Variants in DXO observed in about 807,000 individuals in gnomAD.
DXO encodes the protein decapping and exoribonuclease protein.
Under a neutral mutation model 39.8 loss-of-function variants are expected in DXO, and 42 were observed. The observed-to-expected ratio is 1.06, with a 90% CI of 0.83 to 1.37. The LOEUF (loss-of-function observed/expected upper bound fraction) is 1.37, where lower values mean the gene tolerates loss of function less well. DXO is among the 40% of genes most tolerant of loss of function. DXO has a pLI of 0.00. For synonymous variants in DXO, 193 were observed against 200.4 expected (o/e 0.96, Z 0.31); for missense variants, 495 against 513.0 (o/e 0.96, Z 0.34).
Position 31,970,653 on chromosome 6 carries a change from C to G in DXO, c.765G>C (p.Lys255Asn). ...CAGGGCTGTGCATCTCCTTGGAGGT[C>G]TTGAGCTCCACATAGCAGGTTGGGG... ...TQPPTCYVEL[K>N]TSKEMHSPGQ... Residue 255 changes from lysine (K) to asparagine (N), a missense_variant, in exon 4 of 7, where the codon AAG becomes AAC. By Grantham distance (94) the Lys-to-Asn change is moderately conservative (BLOSUM62 0). Coordinates refer to ENST00000337523, the MANE Select transcript of DXO (RefSeq NM_005510.4). The surrounding 1 kb of genome is among the most constrained non-coding windows in gnomAD (Gnocchi z 4.0). The G allele has an allele frequency of 6.2e-7, 1 of 1,613,128 alleles. No homozygotes were observed. Among genetic ancestry groups the G allele is most frequent in the Non-Finnish European group, 8.5e-7 (1 of 1,180,006 alleles).
Position 31,971,046 on chromosome 6 carries a change from G to A in DXO, c.458C>T (p.Ala153Val). 2 of 1,612,936 alleles carry A rather than the reference G, an allele frequency of 1.2e-6. No homozygotes were observed. Among genetic ancestry groups the A allele is most frequent in the South Asian group, 1.1e-5 (1 of 91,082 alleles). The change falls in exon 3 of 7, where the codon GCC becomes GTC. Residue 153 changes from alanine to valine, a missense_variant. Transcript: ENST00000337523. The surrounding 1 kb of genome is among the most constrained non-coding windows in gnomAD (Gnocchi z 4.5). Reference sequence around the variant, plus strand: ...GTATAGTGTTCCCTGGAACCGGGAGGCTGCCAGCTGCCAGCCCTCCTGCCG... The same window carrying A: ...GTATAGTGTTCCCTGGAACCGGGAGACTGCCAGCTGCCAGCCCTCCTGCCG... Reference protein sequence around the residue: ...YERQEGWQLAASRFQGTLYLS... With the variant: ...YERQEGWQLAVSRFQGTLYLS...
Position 31,971,539 on chromosome 6 carries a change from G to A in DXO, c.137C>T (p.Pro46Leu), listed in dbSNP as rs1773327391. ...YSGPFPFYRR[P>L]SELGCFSLDA... is the part of the protein sequence containing the mutation. ...CAGGGAGAAGCAGCCCAGTTCCGAA[G>A]GGCGCCGGTAGAAAGGAAAGGGCCC... Residue 46 changes from proline (P) to leucine (L), a missense_variant, in exon 2 of 7, where the codon CCT becomes CTT. Physicochemically the swap from Pro to Leu is moderately conservative, Grantham distance 98. Transcript: ENST00000337523. The surrounding 1 kb of genome is among the most constrained non-coding windows in gnomAD (Gnocchi z 4.5). 1.2e-6 allele frequency: 2 copies of A among 1,614,064 alleles called. No individual in the cohort carries two copies. The highest frequency in any genetic ancestry group is 1.3e-5 in the African/African-American group (1 of 74,922).
At position 31,970,140 on chromosome 6, in the gene DXO, C is replaced by T. The variant is rs1773121329; in HGVS notation, c.1012G>A (p.Ala338Thr). 3 of 1,613,610 alleles carry T rather than the reference C, an allele frequency of 1.9e-6. No individual in the cohort carries two copies. Among genetic ancestry groups the T allele is most frequent in the African/African-American group, 2.7e-5 (2 of 74,804 alleles). The change falls in exon 6 of 7, where the codon GCC (alanine) becomes ACC (threonine). Residue 338 changes from alanine to threonine, a missense_variant. Ala to Thr is a moderately conservative substitution (Grantham distance 58). Transcript: ENST00000337523. This position sits in a 1 kb window ranked among gnomAD's most constrained non-coding sequence, Gnocchi z 4.0. ...MNFCAAFLSF[A>T]QSTVVQDDPR... ...TCATCCTGGACAACCGTGCTCTGGG[C>T]AAAGCTAAGGAAGGCGGCACAGAAG...
In DXO at chr6:31,971,220, T is replaced by C; in HGVS notation, c.357-73A>G. On this transcript the variant is annotated intron_variant, in intron 2 of 6. Transcript: ENST00000337523. This position sits in a 1 kb window ranked among gnomAD's most constrained non-coding sequence, Gnocchi z 4.5. The stretch of plus-strand genomic sequence containing the variant: ...AGATGCTCCCCTCGAAGAATAGTCT[T>C]GTTTCTTCTAAGGACTGATTCTCAC... 6.4e-7 allele frequency: 1 copy of C among 1,569,972 alleles called. No individual in the cohort carries two copies. Among genetic ancestry groups the C allele is most frequent in the Non-Finnish European group, 8.7e-7 (1 of 1,155,424 alleles).
rs1048222508 is a variant in DXO at position 31,971,607 on chromosome 6, A to G, written c.69T>C (p.Pro23=). The change falls in exon 2 of 7, where the codon CCT becomes CCC. Residue 23 remains proline, a synonymous_variant. Coordinates refer to ENST00000337523, the MANE Select transcript of DXO (RefSeq NM_005510.4). The surrounding 1 kb of genome is among the most constrained non-coding windows in gnomAD (Gnocchi z 4.5). ...TEVAEPRNKL[P]RPAPSLPTDP... is the part of the protein sequence containing the mutation. Reference sequence around the variant, plus strand: ...CTGTGGGCAGAGAAGGTGCTGGACGAGGTAGTTTGTTCCGAGGCTCAGCTA... The same window carrying G: ...CTGTGGGCAGAGAAGGTGCTGGACGGGGTAGTTTGTTCCGAGGCTCAGCTA... 1.2e-6 allele frequency: 2 copies of G among 1,613,370 alleles called. No individual in the cohort carries two copies. The highest frequency in any genetic ancestry group is 1.7e-6 in the Non-Finnish European group (2 of 1,180,012).
Position 31,970,370 on chromosome 6 carries a change from A to G in DXO, c.921T>C (p.Pro307=). 1 of 1,614,098 alleles carries G rather than the reference A, an allele frequency of 6.2e-7. No individual in the cohort carries two copies. Among genetic ancestry groups the G allele is most frequent in the Non-Finnish European group, 8.5e-7 (1 of 1,180,004 alleles). Residue 307 remains proline (P), a synonymous_variant, in exon 5 of 7, where the codon CCT becomes CCC. Transcript: ENST00000337523. The surrounding 1 kb of genome is among the most constrained non-coding windows in gnomAD (Gnocchi z 4.0). ...TGACATATTCAAACATCTTCATGGTAGGAAAGGTCTTGAGGGAAGAGACAA... is the reference window on the plus strand; with the variant it reads ...TGACATATTCAAACATCTTCATGGTGGGAAAGGTCTTGAGGGAAGAGACAA... ...DGFVSSLKTF[P]TMKMFEYVRN...
rs1444245463 is a variant in DXO at position 31,970,287 on chromosome 6, A to G, written c.948+56T>C. The G allele has an allele frequency of 1.9e-6, 3 of 1,613,696 alleles. No homozygotes were observed. The highest frequency in any genetic ancestry group is 1.6e-4 in the Middle Eastern group (1 of 6,084). On this transcript the variant is annotated intron_variant, in intron 5 of 6. Coordinates refer to ENST00000337523, the MANE Select transcript of DXO (RefSeq NM_005510.4). The surrounding 1 kb of genome is among the most constrained non-coding windows in gnomAD (Gnocchi z 4.0). ...GGCAGGCTGTTGCCCTGGATGCTAG[A>G]CCTGTGGTCTTGGTGTTTGGGGATA...
In DXO at chr6:31,970,836, A is replaced by G. The variant is rs762895946; in HGVS notation, c.593-11T>C. 23 of 1,612,398 alleles carry G rather than the reference A, an allele frequency of 1.4e-5. No homozygotes were observed. The highest frequency in any genetic ancestry group is 1.9e-5 in the Non-Finnish European group (22 of 1,179,690). On this transcript the variant is annotated splice_polypyrimidine_tract_variant and intron_variant, in intron 3 of 6. Coordinates refer to ENST00000337523, the MANE Select transcript of DXO (RefSeq NM_005510.4). This position sits in a 1 kb window ranked among gnomAD's most constrained non-coding sequence, Gnocchi z 4.0. ...AGCTTCCAGGTTTGTCTGCACAAGG[A>G]GAGAAGCAGCAGCAGGCGTGGGGGG...
At position 31,969,964 on chromosome 6, in the gene DXO, A is replaced by G; in HGVS notation, c.1104T>C (p.Asp368=). The change falls in exon 7 of 7, where the codon GAT becomes GAC. Residue 368 remains aspartate (D), a synonymous_variant. Coordinates refer to ENST00000337523, the MANE Select transcript of DXO (RefSeq NM_005510.4). This position sits in a 1 kb window ranked among gnomAD's most constrained non-coding sequence, Gnocchi z 6.1. ...ATATGGGCAGGAAGGCGTAAGGTGC[A>G]TCTTGGTGTACAGACACGGTGACTG... The part of the protein sequence containing the change: ...GGPVTVSVHQ[D]APYAFLPIWY... The G allele has an allele frequency of 1.2e-6, 2 of 1,614,018 alleles. No individual in the cohort carries two copies. Among genetic ancestry groups the G allele is most frequent in the Non-Finnish European group, 1.7e-6 (2 of 1,180,010 alleles).
chr6:31,969,995 C>G lies in DXO; in HGVS notation c.1073G>C (p.Gly358Ala). 2 of 1,613,886 alleles carry G rather than the reference C, an allele frequency of 1.2e-6. No homozygotes were observed. The highest frequency in any genetic ancestry group is 1.7e-6 in the Non-Finnish European group (2 of 1,179,988). Reference sequence around the variant, plus strand: ...GTGTACAGACACGGTGACTGGGCCGCCAGGCTCCCAAGAGAAGAGATGAAC... The same window carrying G: ...GTGTACAGACACGGTGACTGGGCCGGCAGGCTCCCAAGAGAAGAGATGAAC... ...RLVHLFSWEP[G>A]GPVTVSVHQD... The change falls in exon 7 of 7, where the codon GGC becomes GCC. Residue 358 changes from glycine (G) to alanine (A), a missense_variant. Gly to Ala is a moderately conservative substitution (Grantham distance 60, BLOSUM62 0). Coordinates refer to ENST00000337523, the MANE Select transcript of DXO (RefSeq NM_005510.4). The surrounding 1 kb of genome is among the most constrained non-coding windows in gnomAD (Gnocchi z 6.1).
Position 31,971,483 on chromosome 6 carries a change from G to A in DXO, c.193C>T (p.Arg65Ter), listed in dbSNP as rs1773319794. The A allele has an allele frequency of 1.2e-6, 2 of 1,614,046 alleles. No homozygotes were observed. Among genetic ancestry groups the A allele is most frequent in the Non-Finnish European group, 8.5e-7 (1 of 1,180,010 alleles). ...GGTGGGCTATAGTAGCGCAGGGCTC[G>A]GGCATCTCCATGGTACTGGCGTTGA... is the stretch of plus-strand genomic sequence containing the variant. ...DAQRQYHGDARALRYYSPPPT... is the reference protein window; with the variant it reads ...DAQRQYHGDA The change falls in exon 2 of 7, where the codon CGA becomes TGA. Residue 65 changes from arginine to a stop codon, truncating the protein, a stop_gained. Coordinates refer to ENST00000337523, the MANE Select transcript of DXO (RefSeq NM_005510.4). LOFTEE classifies it high-confidence loss of function. This position sits in a 1 kb window ranked among gnomAD's most constrained non-coding sequence, Gnocchi z 4.5.
rs1773297570 is a variant in DXO at position 31,971,322 on chromosome 6, C to G, written c.354G>C (p.Glu118Asp). The change falls in exon 2 of 7, where the codon GAG (glutamate) becomes GAC (aspartate). Residue 118 changes from glutamate to aspartate, a missense_variant and splice_region_variant. Transcript: ENST00000337523. The surrounding 1 kb of genome is among the most constrained non-coding windows in gnomAD (Gnocchi z 4.5). The part of the protein sequence containing the change: ...CWLLEHRGRL[E>D]GGPGWLAEAI... ...ACTGCCTACCACGCTTTGCTCACCC[C>G]TCCAACCGGCCTCGGTGTTCCAGGA... 1.3e-6 allele frequency: 2 copies of G among 1,540,712 alleles called. No homozygotes were observed. Among genetic ancestry groups the G allele is most frequent in the East Asian group, 4.5e-5 (2 of 44,258 alleles).
rs762236357 is a variant in DXO at position 31,971,284 on chromosome 6, G to A, written c.356+36C>T. ...CTCCTAATTTTAGAGGGTAGGTACG[G>A]GTCTCCAGATATACTGCCTACCACG... On this transcript the variant is annotated intron_variant, in intron 2 of 6. Transcript: ENST00000337523. This position sits in a 1 kb window ranked among gnomAD's most constrained non-coding sequence, Gnocchi z 4.5. 1.3e-6 allele frequency: 2 copies of A among 1,537,664 alleles called. No individual in the cohort carries two copies. The highest frequency in any genetic ancestry group is 8.8e-7 in the Non-Finnish European group (1 of 1,141,504).
At position 31,970,719 on chromosome 6, in the gene DXO, C is replaced by T; in HGVS notation, c.699G>A (p.Gly233=). ...CTTGGGGGTCTGTGCAGTCTACCTC[C>T]CCTGAGAAGAGCAGAGGGTGGCTTC... is the stretch of plus-strand genomic sequence containing the variant. ...RLGSHPLLFS[G]EVDCTDPQAP... The change falls in exon 4 of 7, where the codon GGG becomes GGA. Residue 233 remains glycine (G), a synonymous_variant. Coordinates refer to ENST00000337523, the MANE Select transcript of DXO (RefSeq NM_005510.4). This position sits in a 1 kb window ranked among gnomAD's most constrained non-coding sequence, Gnocchi z 4.0. 1.2e-6 allele frequency: 2 copies of T among 1,612,920 alleles called. No homozygotes were observed. The highest frequency in any genetic ancestry group is 1.7e-6 in the Non-Finnish European group (2 of 1,180,014).
rs1247607341 is a variant in DXO at position 31,970,455 on chromosome 6, G to A, written c.836C>T (p.Ala279Val). 6.2e-7 allele frequency: 1 copy of A among 1,614,076 alleles called. No individual in the cohort carries two copies. Among genetic ancestry groups the A allele is most frequent in the South Asian group, 1.1e-5 (1 of 91,088 alleles). Residue 279 changes from alanine to valine, a missense_variant, in exon 5 of 7, where the codon GCT (alanine) becomes GTT (valine). Transcript: ENST00000337523. The surrounding 1 kb of genome is among the most constrained non-coding windows in gnomAD (Gnocchi z 4.0). ...FYRHKLLKWW[A>V]QSFLPGVPNV... The stretch of plus-strand genomic sequence containing the variant: ...CGGGACCCCTGGGAGGAATGACTGA[G>A]CCCACCATTTCAGGAGCTTGTGTCT...
Position 31,970,960 on chromosome 6 carries a change from G to A in DXO, c.544C>T (p.Arg182Trp), listed in dbSNP as rs147759642. The A allele has an allele frequency of 7.4e-6, 12 of 1,612,998 alleles. No homozygotes were observed. Among genetic ancestry groups the A allele is most frequent in the Non-Finnish European group, 9.3e-6 (11 of 1,179,998 alleles). The change falls in exon 3 of 7, where the codon CGG (arginine) becomes TGG (tryptophan). Residue 182 changes from arginine (R) to tryptophan (W), a missense_variant. Physicochemically the swap from Arg to Trp is moderately radical, Grantham distance 101. Coordinates refer to ENST00000337523, the MANE Select transcript of DXO (RefSeq NM_005510.4). The surrounding 1 kb of genome is among the most constrained non-coding windows in gnomAD (Gnocchi z 4.0). ...AQRLARPPLL[R>W]ELMYMGYKFE... is the part of the protein sequence containing the mutation. ...TTGTATCCCATGTACATAAGCTCCC[G>A]GAGGAGCGGTGGCCGAGCAAGCCTC...
Position 31,971,628 on chromosome 6 carries a change from A to G in DXO, c.48T>C (p.Ala16=), listed in dbSNP as rs777122516. 1.2e-6 allele frequency: 2 copies of G among 1,612,034 alleles called. No individual in the cohort carries two copies. Among genetic ancestry groups the G allele is most frequent in the South Asian group, 1.1e-5 (1 of 91,078 alleles). Residue 16 remains alanine (A), a synonymous_variant, in exon 2 of 7, where the codon GCT becomes GCC. Transcript: ENST00000337523. This position sits in a 1 kb window ranked among gnomAD's most constrained non-coding sequence, Gnocchi z 4.5. ...TKRGAEKTEV[A]EPRNKLPRPA... ...GACGAGGTAGTTTGTTCCGAGGCTC[A>G]GCTACCTCTGTCTTCTCAGCTCCTC...
rs769615013 is a variant in DXO, at chr6:31,970,077, C to G, written c.1043+32G>C. The G allele has an allele frequency of 1.9e-6, 3 of 1,613,908 alleles. No homozygotes were observed. The highest frequency in any genetic ancestry group is 2.5e-6 in the Non-Finnish European group (3 of 1,179,986). The stretch of plus-strand genomic sequence containing the variant: ...AGGGCCAGAGGCTGGATCCTGGGAT[C>G]CAGAGGGGAGGGACAGAGCTGAATG... On this transcript the variant is annotated intron_variant, in intron 6 of 6. Coordinates refer to ENST00000337523, the MANE Select transcript of DXO (RefSeq NM_005510.4). This position sits in a 1 kb window ranked among gnomAD's most constrained non-coding sequence, Gnocchi z 4.0.
rs778015610 is a variant in DXO at position 31,970,983 on chromosome 6, C to A, written c.521G>T (p.Arg174Met). Residue 174 changes from arginine (R) to methionine (M), a missense_variant, in exon 3 of 7, where the codon AGG (arginine) becomes ATG (methionine). Arg to Met is a moderately conservative substitution (Grantham distance 91). Transcript: ENST00000337523. This position sits in a 1 kb window ranked among gnomAD's most constrained non-coding sequence, Gnocchi z 4.0. ...CCGGAGGAGCGGTGGCCGAGCAAGCCTCTGGGCCCGAGCGTTCGGTGTCTC... is the reference window on the plus strand; with the variant it reads ...CCGGAGGAGCGGTGGCCGAGCAAGCATCTGGGCCCGAGCGTTCGGTGTCTC... ...EVETPNARAQ[R>M]LARPPLLREL... 6.2e-7 allele frequency: 1 copy of A among 1,613,022 alleles called. No homozygotes were observed. Among genetic ancestry groups the A allele is most frequent in the South Asian group, 1.1e-5 (1 of 91,082 alleles).
Sources: gnomAD v4.1 joint callset for allele counts on GRCh38, gnomAD v4.1.1 for gene constraint, Gnocchi (gnomAD v3.1) non-coding constraint, MANE v1.5 for transcripts, NCBI Gene and HGNC (gene_info 2026-07-23, HGNC 2026-07-21) for gene names.